Variants in DGKQ observed in about 807,000 individuals in gnomAD.
The protein encoded by DGKQ is diacylglycerol kinase theta.
DGKQ carries 97 observed loss-of-function variants against 104.2 expected under a neutral mutation model. That is an observed-to-expected ratio of 0.93 (90% CI 0.79 to 1.10). The LOEUF is 1.10. Among genes scored for constraint, DGKQ ranks in the 50% least tolerant of loss-of-function variants. The pLI is 0.00. For synonymous variants in DGKQ, 736 were observed against 595.2 expected, an observed-to-expected ratio of 1.24 and a Z score of -3.44; for missense variants, 1,465 against 1,352.1, an observed-to-expected ratio of 1.08 and a Z score of -1.31.
intron 17 of DGKQ, 40 bp downstream of exon 17, chr4:962,732 G>C (rs1711984060): frequency 1.3e-6 from 2 of 1,598,190 alleles, no homozygotes; most frequent in East Asian, 4.5e-5. Flanking sequence ...GGAAGGGGTA[G>C]ACCCTGAGGC....
chr4:966,293 G>A (rs4690324), intron 12 of DGKQ, 173 bp downstream of exon 12: 715,358 of 841,764 alleles, frequency 0.85, 305,004 homozygotes, highest in African/African-American at 0.95. Flanking sequence ...TCTGCAGCTC[G>A]AGGCCTCCCT....
At chr4:961,358 G>A (rs1383491256) in intron 21 of DGKQ, 109 bp downstream of exon 21, 22 of 1,262,358 alleles carry the variant, frequency 1.7e-5, no homozygotes, top group African/African-American at 4.8e-5. Flanking sequence ...AGCGGGGACC[G>A]GGGACGCCCA....
rs1711689544 is a variant in DGKQ, at chr4:959,360, G to C, written c.*1260C>G. ...CCAGCTGTGCCCCACAAGGGAAGGGGGAGATCCGCACCGTGGGACCGTTTC... is the reference window on the plus strand; with the variant it reads ...CCAGCTGTGCCCCACAAGGGAAGGGCGAGATCCGCACCGTGGGACCGTTTC... On this transcript the variant is annotated 3_prime_UTR_variant, in exon 23 of 23. Coordinates refer to ENST00000273814, the MANE Select transcript of DGKQ (RefSeq NM_001347.4). 6.6e-6 allele frequency: 1 copy of C among 152,298 alleles called. No homozygotes were observed. The highest frequency in any genetic ancestry group is 2.1e-4 in the South Asian group (1 of 4,830). The allele number at this position is 152,298 out of a possible 1,614,324, so 9.4% of individuals were successfully genotyped here. A position where few individuals can be genotyped will look rare whatever the true frequency, so the allele number is the denominator to read the frequency against.
intron 17 of DGKQ, 30 bp downstream of exon 17, chr4:962,742 C>T (rs1255993440): frequency 9.4e-6 from 15 of 1,598,286 alleles, no homozygotes; most frequent in African/African-American, 1.3e-5. Context: ...GACCCTGAGG[C>T]CCCCTCCTCG....
intron 11 of DGKQ, 81 bp downstream of exon 11, chr4:966,667 A>G: frequency 1.3e-6 from 2 of 1,518,508 alleles, no homozygotes; most frequent in South Asian, 2.4e-5. Flanking sequence ...GTCCGGCACC[A>G]CCCTGCAGGA....
At chr4:965,693 G>C (rs1051953604) in intron 13 of DGKQ, among the ~76,000 whole-genome samples, 164 bp from the exon 14 acceptor site, 1 of 152,210 alleles carries the variant, frequency 6.6e-6, no homozygotes, top group Non-Finnish European at 1.5e-5. Flanking sequence ...CAGCTCCCTG[G>C]AGGTACAGGA....
rs766440558 is a variant in DGKQ, at chr4:967,214, A to G, written c.1135T>C (p.Ser379Pro). 6 of 1,583,512 alleles carry G rather than the reference A, an allele frequency of 3.8e-6. No homozygotes were observed. In the East Asian group the frequency reaches 1.4e-4, roughly 36 times the overall value. Residue 379 changes from serine (S) to proline (P), a missense_variant, in exon 9 of 23, where the codon TCC becomes CCC. Physicochemically the swap from Ser to Pro is moderately conservative, Grantham distance 74 (BLOSUM62 -1). Coordinates refer to ENST00000273814, the MANE Select transcript of DGKQ (RefSeq NM_001347.4). ...VISEEGRSPG[S>P]GEATPEAWVI... Reference sequence around the variant, plus strand: ...CAGGCCTCTGGCGTGGCCTCGCCGGACCCGGGGCTTCTGCCCTCCTCCGAG... The same window carrying G: ...CAGGCCTCTGGCGTGGCCTCGCCGGGCCCGGGGCTTCTGCCCTCCTCCGAG...
chr4:961,906 C>G lies in DGKQ; in HGVS notation c.2316-72G>C, dbSNP rs946130285. 1.5e-5 allele frequency: 24 copies of G among 1,605,894 alleles called. No individual in the cohort carries two copies. In the African/African-American group the frequency reaches 2.9e-4, roughly 20 times the overall value. ...GCCTTAGGCAGCCTCCGGGTTCCGGCCCCTCTGCCTGTTCCTGCTGGGGGA... is the reference window on the plus strand; with the variant it reads ...GCCTTAGGCAGCCTCCGGGTTCCGGGCCCTCTGCCTGTTCCTGCTGGGGGA... On this transcript the variant is annotated intron_variant, in intron 19 of 22. Transcript: ENST00000273814.
Position 967,861 on chromosome 4 carries a change from C to G in DGKQ, c.811+19G>C, listed in dbSNP as rs1042269817. The G allele has an allele frequency of 1.4e-6, 2 of 1,475,834 alleles. No individual in the cohort carries two copies. The highest frequency in any genetic ancestry group is 4.9e-5 in the Admixed American group (2 of 40,694). 91.4% of individuals were successfully genotyped at this position (1,475,834 alleles called of 1,614,324 possible). A position where few individuals can be genotyped will look rare whatever the true frequency, so the allele number is the denominator to read the frequency against. ...GCGCAGCCCCCAGCCCAGGGCGCCC[C>G]GGCCGGCCCGCACCTCACCCGGCTC... On this transcript the variant is annotated intron_variant, in intron 6 of 22. Transcript: ENST00000273814.
In DGKQ at chr4:967,951, G is replaced by A. The variant is rs758629181; in HGVS notation, c.740C>T (p.Ala247Val). 25 of 1,484,306 alleles carry A rather than the reference G, an allele frequency of 1.7e-5. No homozygotes were observed. In the South Asian group the frequency reaches 2.8e-4, roughly 17 times the overall value. The allele number at this position is 1,484,306 out of a possible 1,614,324, so 91.9% of individuals were successfully genotyped here. ...GRLRSLVLPP[A>V]CVRLLPGGFS... ...GCCGCCGGGCAGAAGGCGCACGCAC[G>A]CGGGAGGCAGGACCAGGGAGCGCAG... is the stretch of plus-strand genomic sequence containing the variant. The change falls in exon 6 of 23, where the codon GCG becomes GTG. Residue 247 changes from alanine to valine, a missense_variant. Transcript: ENST00000273814.
In DGKQ at chr4:966,916, C is replaced by T. The variant is rs769947631; in HGVS notation, c.1311+48G>A. The T allele has an allele frequency of 1.0e-5, 16 of 1,543,776 alleles. No homozygotes were observed. In the South Asian group the frequency reaches 1.8e-4, roughly 17 times the overall value. On this transcript the variant is annotated intron_variant, in intron 10 of 22. Coordinates refer to ENST00000273814, the MANE Select transcript of DGKQ (RefSeq NM_001347.4). ...TGGCCTGGCCTCCTGGGGACAGCGACCCCCCACCGAGTCTGGCCGGCATGG... is the reference window on the plus strand; with the variant it reads ...TGGCCTGGCCTCCTGGGGACAGCGATCCCCCACCGAGTCTGGCCGGCATGG...
chr4:960,979 C>G, intron 22 of DGKQ, 70 bp downstream of exon 22: 1 of 1,585,418 alleles, frequency 6.3e-7, no homozygotes, highest in Non-Finnish European at 8.6e-7. Flanking sequence ...CACCTGGGTA[C>G]CACTGGCCAC....
Position 960,461 on chromosome 4 carries a change from G to T in DGKQ, c.*159C>A. 1.5e-6 allele frequency: 1 copy of T among 648,328 alleles called. No individual in the cohort carries two copies. Among genetic ancestry groups the T allele is most frequent in the East Asian group, 2.7e-5 (1 of 36,836 alleles). 40.2% of individuals were successfully genotyped at this position (648,328 alleles called of 1,614,324 possible). On this transcript the variant is annotated 3_prime_UTR_variant, in exon 23 of 23. Transcript: ENST00000273814. ...TGTGTCACCAATGGGATGAGGGCGG[G>T]TCCCGCTCCGTCACTGGGAAGATGC...
intron 10 of DGKQ, 32 bp from the exon 11 acceptor site, chr4:966,834 G>A (rs1261500732): frequency 1.3e-6 from 2 of 1,597,312 alleles, no homozygotes; most frequent in African/African-American, 2.7e-5. Flanking sequence ...TCGGGTCTGG[G>A]CAGGCCCCCA....
chr4:965,751 G>T (rs772575289), intron 13 of DGKQ, among the ~76,000 whole-genome samples, 177 bp downstream of exon 13: 8 of 152,172 alleles, frequency 5.3e-5, no homozygotes, highest in Admixed American at 3.3e-4. Context: ...CGCAGGGAAC[G>T]GCCACAGAGG....
Position 962,709 on chromosome 4 carries a change from C to A in DGKQ, c.2035+63G>T. The A allele has an allele frequency of 3.1e-6, 5 of 1,591,658 alleles. No homozygotes were observed. In the South Asian group the frequency reaches 5.7e-5, roughly 18 times the overall value. On this transcript the variant is annotated intron_variant, in intron 17 of 22. Transcript: ENST00000273814. ...CGAGGACAGCCAGCCCAGGCCTCGGCAAAAGCTGCACAGGAAGGGGTAGAC... is the reference window on the plus strand; with the variant it reads ...CGAGGACAGCCAGCCCAGGCCTCGGAAAAAGCTGCACAGGAAGGGGTAGAC...
intron 11 of DGKQ, 54 bp downstream of exon 11, chr4:966,694 T>C (rs1485955724): frequency 1.9e-6 from 3 of 1,568,480 alleles, no homozygotes; most frequent in Admixed American, 1.8e-5. Flanking sequence ...GGGCAGCAGG[T>C]CCAAACCCAA....
At position 967,926 on chromosome 4, in the gene DGKQ, G is replaced by A; in HGVS notation, c.765C>T (p.Gly255=). Residue 255 remains glycine (G), a synonymous_variant, in exon 6 of 23, where the codon GGC becomes GGT. Coordinates refer to ENST00000273814, the MANE Select transcript of DGKQ (RefSeq NM_001347.4). ...TGCGGAAGCTCTGCGTCTTGCTGAA[G>A]CCGCCGGGCAGAAGGCGCACGCACG... ...PPACVRLLPG[G]FSKTQSFRIV... The A allele has an allele frequency of 2.2e-5, 32 of 1,468,332 alleles. No homozygotes were observed. Among genetic ancestry groups the A allele is most frequent in the Non-Finnish European group, 2.8e-5 (31 of 1,118,688 alleles). 91.0% of individuals were successfully genotyped at this position (1,468,332 alleles called of 1,614,324 possible).
rs1183992677 is a variant in DGKQ at position 973,192 on chromosome 4, C to G, written c.271+20G>C. 1.3e-6 allele frequency: 2 copies of G among 1,532,738 alleles called. No individual in the cohort carries two copies. The highest frequency in any genetic ancestry group is 8.8e-7 in the Non-Finnish European group (1 of 1,142,472). 94.9% of individuals were successfully genotyped at this position (1,532,738 alleles called of 1,614,324 possible). ...AGAGGCAGGGCTGCAGCCGGGTAGG[C>G]ATCGGGCCCGGGCGCTCACCGTCGC... is the stretch of plus-strand genomic sequence containing the variant. On this transcript the variant is annotated intron_variant, in intron 1 of 22. Coordinates refer to ENST00000273814, the MANE Select transcript of DGKQ (RefSeq NM_001347.4).
Sources: allele counts gnomAD v4.1 joint callset (sites outside exome capture counted in the v4.1 genomes callset), GRCh38; gene constraint gnomAD v4.1.1; transcripts MANE v1.5; gene names NCBI Gene and HGNC (gene_info 2026-07-23, HGNC 2026-07-21).